Variants in SYT1 observed in about 807,000 individuals in gnomAD.
SYT1 encodes the protein synaptotagmin 1.
A neutral mutation model predicts 44.8 loss-of-function variants in SYT1; 8 were observed. That is an observed-to-expected ratio of 0.18 (90% CI 0.10 to 0.32). The LOEUF (loss-of-function observed/expected upper bound fraction) is 0.32. Among genes scored for constraint, SYT1 ranks in the 10% least tolerant of loss-of-function variants. The pLI, the probability that SYT1 is intolerant of heterozygous loss-of-function variation, is 1.00. For synonymous variants in SYT1, 154 were observed against 188.8 expected (o/e 0.82, Z 1.51); for missense variants, 286 against 509.3 (o/e 0.56, Z 4.22).
rs560584288 is a variant in SYT1, at chr12:79,212,370, G to A, written c.-17-5133G>A. Among the ~76,000 whole-genome samples the A allele has an allele frequency of 1.1e-4, 17 of 152,130 alleles. No individual in the cohort carries two copies. The East Asian group carries it at 3.3e-3, about 29-fold the overall frequency. ...ACACCCGGACCTTTCAGGGGTGGGA[G>A]GCAAGGGGAGGGAGAGCATTAGGAC... On this transcript the variant is annotated intron_variant, in intron 3 of 10. Transcript: ENST00000261205.
chr12:78,876,741 A>G (rs1479007042), intron 1 of SYT1, among the ~76,000 whole-genome samples: 7 of 86,826 alleles, frequency 8.1e-5, no homozygotes, highest in East Asian at 3.5e-4. Context: ...TATATTATAT[A>G]TTATATATTG....
chr12:79,006,334 G>A (rs1871080203), intron 2 of SYT1, among the ~76,000 whole-genome samples: 1 of 152,072 alleles, frequency 6.6e-6, no homozygotes. Flanking sequence ...ACTCCTGTAT[G>A]GCTGAAATTG....
chr12:78,928,189 A>T (rs1329192368), intron 1 of SYT1, among the ~76,000 whole-genome samples: 1 of 152,136 alleles, frequency 6.6e-6, no homozygotes, highest in Non-Finnish European at 1.5e-5. Context: ...AAAGTACAGT[A>T]GTCCCCCATT....
chr12:79,409,719 A>G (rs1375345844), intron 9 of SYT1, among the ~76,000 whole-genome samples: 1 of 151,954 alleles, frequency 6.6e-6, no homozygotes, highest in Non-Finnish European at 1.5e-5. Flanking sequence ...TTCCCTGTTG[A>G]TTATCTCGGC....
chr12:79,323,984 T>C (rs941756796), intron 8 of SYT1, among the ~76,000 whole-genome samples: 1 of 144,106 alleles, frequency 6.9e-6, no homozygotes, highest in Non-Finnish European at 1.5e-5. Flanking sequence ...AGAGTCTTCC[T>C]CTGTCACCCA....
intron 7 of SYT1, among the ~76,000 whole-genome samples, chr12:79,298,415 C>G (rs1273250967): frequency 3.3e-5 from 5 of 151,972 alleles, no homozygotes; most frequent in African/African-American, 1.2e-4. Flanking sequence ...GTAGATGGCC[C>G]AATATTCTTC....
Position 79,206,145 on chromosome 12 carries a change from AC to A in SYT1, c.-17-11357del, listed in dbSNP as rs1396954819. Among the ~76,000 whole-genome samples the A allele has an allele frequency of 3.5e-4, 53 of 151,352 alleles. 1 individual carries two copies. Among genetic ancestry groups the A allele is most frequent in the African/African-American group, 1.2e-3 (48 of 40,624 alleles). On this transcript the variant is annotated intron_variant, in intron 3 of 10. Transcript: ENST00000261205. ...TGTCACTCTTGTGCACACAAAAAAA[AC>A]AAAAATAAAAGCAAAATAAATTGGT...
chr12:79,362,219 GT>G (rs1446275053), intron 9 of SYT1, among the ~76,000 whole-genome samples: 3 of 152,122 alleles, frequency 2.0e-5, no homozygotes, highest in Non-Finnish European at 4.4e-5. Context: ...GCAAAGCTCA[GT>G]GGTAAATTTA....
intron 3 of SYT1, among the ~76,000 whole-genome samples, chr12:79,132,385 G>A (rs937554593): frequency 4.6e-5 from 7 of 151,070 alleles, no homozygotes; most frequent in Non-Finnish European, 1.0e-4. Flanking sequence ...CGAAATGGAG[G>A]TTGCAGTGAG....
Position 79,364,204 on chromosome 12 carries a change from T to C in SYT1, c.928+10585T>C, listed in dbSNP as rs200561230. ...ATTTTAGCCATCATTTTCAGAAGAT[T>C]TTACTTCCTTCCTTCATTTCCCCCC... On this transcript the variant is annotated intron_variant, in intron 9 of 10. Coordinates refer to ENST00000261205, the MANE Select transcript of SYT1 (RefSeq NM_005639.3). 8.5e-5 allele frequency among the ~76,000 whole-genome samples: 13 copies of C among 152,064 alleles called. No individual in the cohort carries two copies. In the East Asian group the frequency reaches 2.1e-3, roughly 25 times the overall value.
chr12:78,968,617 G>A (rs1868302659), intron 1 of SYT1, among the ~76,000 whole-genome samples: 1 of 151,946 alleles, frequency 6.6e-6, no homozygotes, highest in South Asian at 2.1e-4. Context: ...AGATCTAAAA[G>A]GATCTCCACT....
chr12:79,329,789 ACT>A (rs1467132394), intron 8 of SYT1, among the ~76,000 whole-genome samples: 6 of 152,058 alleles, frequency 3.9e-5, no homozygotes, highest in Non-Finnish European at 7.4e-5. Context: ...CAGGTGCTTC[ACT>A]CACACAGCCA....
intron 4 of SYT1, among the ~76,000 whole-genome samples, chr12:79,224,633 A>G (rs909230586): frequency 6.6e-6 from 1 of 152,058 alleles, no homozygotes; most frequent in Non-Finnish European, 1.5e-5. Flanking sequence ...GGCCTTGTCA[A>G]TTGTTCTAAA....
intron 4 of SYT1, among the ~76,000 whole-genome samples, chr12:79,266,514 G>A (rs934551820): frequency 4.6e-5 from 7 of 152,114 alleles, no homozygotes; most frequent in African/African-American, 1.7e-4. Flanking sequence ...CAGTTGCAGT[G>A]CTTAGAATAC....
In SYT1 at chr12:79,444,057, C is replaced by A. The variant is rs780913995; in HGVS notation, c.929-16C>A. ...GTCTCTGATCTCCTAAAGTTTGTTT[C>A]CTGTTTTTCATTCAGATCCTTATGT... On this transcript the variant is annotated splice_polypyrimidine_tract_variant and intron_variant, in intron 9 of 10. Transcript: ENST00000261205. The A allele has an allele frequency of 1.1e-5, 18 of 1,611,656 alleles. No homozygotes were observed. The highest frequency in any genetic ancestry group is 1.5e-5 in the Non-Finnish European group (18 of 1,179,098).
At chr12:79,375,218 C>G (rs994795999) in intron 9 of SYT1, among the ~76,000 whole-genome samples, 6 of 152,146 alleles carry the variant, frequency 3.9e-5, no homozygotes, top group African/African-American at 7.2e-5. Flanking sequence ...AGCTAATTAA[C>G]AGGATTTCAC....
chr12:79,140,881 T>G (rs1384385057), intron 3 of SYT1, among the ~76,000 whole-genome samples: 1 of 152,092 alleles, frequency 6.6e-6, no homozygotes, highest in African/African-American at 2.4e-5. Context: ...AAAACCACAT[T>G]GTTGATTGGC....
intron 9 of SYT1, among the ~76,000 whole-genome samples, chr12:79,420,168 A>G (rs1422427236): frequency 6.6e-6 from 1 of 152,142 alleles, no homozygotes; most frequent in South Asian, 2.1e-4. Flanking sequence ...AGATATTTAC[A>G]TAAGAGTGGG....
chr12:79,056,040 A>T (rs565067602), intron 3 of SYT1, among the ~76,000 whole-genome samples: 1 of 152,144 alleles, frequency 6.6e-6, no homozygotes, highest in East Asian at 1.9e-4. Flanking sequence ...TGACATGTAC[A>T]GGTTTGTAGC....
Sources: allele counts gnomAD v4.1 joint callset (sites outside exome capture counted in the v4.1 genomes callset), GRCh38; gene constraint gnomAD v4.1.1; transcripts MANE v1.5; gene names NCBI Gene and HGNC (gene_info 2026-07-23, HGNC 2026-07-21).